Variants in POLE2 observed in about 807,000 individuals in gnomAD.
The protein encoded by POLE2 is DNA polymerase epsilon 2, accessory subunit.
Under a neutral mutation model 79.4 loss-of-function variants are expected in POLE2, and 56 were observed. The ratio of observed to expected loss-of-function variants is 0.71; its 90% CI spans 0.57 to 0.88. The LOEUF (loss-of-function observed/expected upper bound fraction) is 0.88. Among genes scored for constraint, POLE2 ranks in the 40% least tolerant of loss-of-function variants. POLE2 has a pLI of 0.00. For synonymous variants in POLE2, 212 were observed against 214.0 expected (o/e 0.99, Z 0.08); for missense variants, 598 against 638.9 (o/e 0.94, Z 0.69).
intron 10 of POLE2, among the ~76,000 whole-genome samples, chr14:49,663,045 T>C (rs1885199551): frequency 6.6e-6 from 1 of 152,212 alleles, no homozygotes; most frequent in African/African-American, 2.4e-5. Context: ...TCACTTCAAC[T>C]TCTCATCAAC....
chr14:49,653,629 TG>T (rs1594634009), intron 15 of POLE2, among the ~76,000 whole-genome samples: 1 of 151,986 alleles, frequency 6.6e-6, no homozygotes, highest in Non-Finnish European at 1.5e-5. Flanking sequence ...TTTTGTTTTT[TG>T]TTTTTTTTGT....
At chr14:49,654,729 T>C in intron 13 of POLE2, 55 bp downstream of exon 13, 1 of 1,477,340 alleles carries the variant, frequency 6.8e-7, no homozygotes, top group Non-Finnish European at 8.9e-7. Context: ...AATTCATTTT[T>C]TGTTTTTTTT....
chr14:49,645,705 C>CT (rs1285666928), intron 18 of POLE2, among the ~76,000 whole-genome samples: 1 of 152,244 alleles, frequency 6.6e-6, no homozygotes, highest in African/African-American at 2.4e-5. Context: ...ACTGCAACCT[C>CT]TGACTCCCGA....
intron 3 of POLE2, among the ~76,000 whole-genome samples, chr14:49,674,859 C>G (rs896361775): frequency 6.6e-6 from 1 of 152,140 alleles, no homozygotes; most frequent in Non-Finnish European, 1.5e-5. Context: ...AGCCACCATG[C>G]CCAGCCCATA....
chr14:49,667,001 C>T (rs1425473039), intron 6 of POLE2, among the ~76,000 whole-genome samples: 1 of 151,700 alleles, frequency 6.6e-6, no homozygotes, highest in Non-Finnish European at 1.5e-5. Flanking sequence ...AAGATCAAGA[C>T]CATGGTGAAA....
chr14:49,659,152 C>T (rs997095543), intron 10 of POLE2, among the ~76,000 whole-genome samples: 1 of 152,146 alleles, frequency 6.6e-6, no homozygotes, highest in African/African-American at 2.4e-5. Flanking sequence ...CACAGTGGCT[C>T]ATGCCTGTAA....
At chr14:49,652,611 A>G (rs1271536302) in intron 15 of POLE2, among the ~76,000 whole-genome samples, 1 of 152,106 alleles carries the variant, frequency 6.6e-6, no homozygotes, top group African/African-American at 2.4e-5. Flanking sequence ...CCTGTTGTGA[A>G]CTGTACACGT....
At chr14:49,650,162 A>G in intron 17 of POLE2, 103 bp downstream of exon 17, 1 of 598,116 alleles carries the variant, frequency 1.7e-6, no homozygotes, top group Non-Finnish European at 2.5e-6. Flanking sequence ...CTAATAGCAT[A>G]TTTTTACTTC....
intron 1 of POLE2, among the ~76,000 whole-genome samples, chr14:49,685,680 G>A (rs978696032): frequency 2.6e-5 from 4 of 151,796 alleles, no homozygotes; most frequent in African/African-American, 9.7e-5. Context: ...GTGCAGTGGC[G>A]TAATCTTGGC....
chr14:49,649,430 G>A (rs1884037094), intron 17 of POLE2, among the ~76,000 whole-genome samples: 2 of 149,658 alleles, frequency 1.3e-5, no homozygotes, highest in South Asian at 2.1e-4. Context: ...ACAGGCGTGA[G>A]CCACCACACC....
At chr14:49,654,603 A>G (rs1425606042) in intron 13 of POLE2, 181 bp downstream of exon 13, 1 of 704,766 alleles carries the variant, frequency 1.4e-6, no homozygotes, top group East Asian at 3.4e-5. Context: ...ATCCCTTTCA[A>G]TACTTTTCAT....
At chr14:49,652,028 T>C (rs1459264203) in intron 15 of POLE2, among the ~76,000 whole-genome samples, 4 of 152,136 alleles carry the variant, frequency 2.6e-5, no homozygotes, top group African/African-American at 9.6e-5. Flanking sequence ...TGATTACCAC[T>C]GCAAGGATAC....
At chr14:49,685,837 C>T (rs1417081468) in intron 1 of POLE2, among the ~76,000 whole-genome samples, 10 of 151,176 alleles carry the variant, frequency 6.6e-5, no homozygotes, top group Admixed American at 2.6e-4. Context: ...TCATGTTGGT[C>T]AGGCCGGTCT....
At chr14:49,661,410 G>T (rs1885092368) in intron 10 of POLE2, among the ~76,000 whole-genome samples, 1 of 152,088 alleles carries the variant, frequency 6.6e-6, no homozygotes, top group Non-Finnish European at 1.5e-5. Context: ...AGTTGCTAGA[G>T]GAATGCAGTA....
intron 17 of POLE2, among the ~76,000 whole-genome samples, chr14:49,649,350 G>A (rs911432431): frequency 6.6e-6 from 1 of 151,330 alleles, no homozygotes; most frequent in Non-Finnish European, 1.5e-5. Context: ...GTTGCACCAT[G>A]TTAGCCAGGA....
At chr14:49,671,820 G>A (rs1442438589) in intron 5 of POLE2, among the ~76,000 whole-genome samples, 2 of 151,740 alleles carry the variant, frequency 1.3e-5, no homozygotes, top group African/African-American at 2.4e-5. Context: ...TGGGTGTGGT[G>A]GTATGTGCCT....
chr14:49,673,078 A>G (rs1886012087), intron 5 of POLE2, among the ~76,000 whole-genome samples: 1 of 151,380 alleles, frequency 6.6e-6, no homozygotes, highest in African/African-American at 2.4e-5. Context: ...CTGATTCTTC[A>G]CCCCCTCCCT....
intron 5 of POLE2, among the ~76,000 whole-genome samples, chr14:49,670,240 C>CAGGAGGCAG (rs1221357286): frequency 5.6e-5 from 8 of 142,462 alleles, no homozygotes; most frequent in Admixed American, 1.5e-4. Flanking sequence ...TGCTTGAATC[C>CAGGAGGCAG]AGGAGGCAGA....
At chr14:49,684,239 G>A (rs1468728816) in intron 1 of POLE2, among the ~76,000 whole-genome samples, 1 of 152,144 alleles carries the variant, frequency 6.6e-6, no homozygotes, top group Non-Finnish European at 1.5e-5. Flanking sequence ...GAGGCGGGCG[G>A]ATCATGAGGT....
Sources: allele counts gnomAD v4.1 joint callset (sites outside exome capture counted in the v4.1 genomes callset), GRCh38; gene constraint gnomAD v4.1.1; transcripts MANE v1.5; gene names NCBI Gene and HGNC (gene_info 2026-07-23, HGNC 2026-07-21).